The following SLC24A3 variants were observed in gnomAD, a reference collection of about 807,000 sequenced individuals.
SLC24A3 encodes solute carrier family 24 member 3, also known as sodium/potassium/calcium exchanger 3.
In SLC24A3, 28 loss-of-function variants were observed where a neutral mutation model predicts 75.8. The ratio of observed to expected loss-of-function variants is 0.37; its 90% CI spans 0.27 to 0.51. The LOEUF (loss-of-function observed/expected upper bound fraction) is 0.51. Among genes scored for constraint, SLC24A3 ranks in the 20% least tolerant of loss-of-function variants. The pLI is 0.94. For missense variants in SLC24A3, 663 were observed against 847.8 expected (o/e 0.78, Z 2.71); for synonymous variants, 372 against 334.1 (o/e 1.11, Z -1.24).
chr20:19,514,273 G>T (rs1027727696), intron 2 of SLC24A3, among the ~76,000 whole-genome samples: 1 of 152,178 alleles, frequency 6.6e-6, no homozygotes, highest in Admixed American at 6.5e-5. Context: ...CTTCCTGGCT[G>T]CACTGCCTCC....
At chr20:19,650,058 G>A (rs2032183856) in intron 6 of SLC24A3, among the ~76,000 whole-genome samples, 1 of 152,152 alleles carries the variant, frequency 6.6e-6, no homozygotes. Context: ...CTCACTGTAA[G>A]TACCATAGAA....
chr20:19,366,463 G>T (rs1402356577), intron 2 of SLC24A3, among the ~76,000 whole-genome samples: 1 of 152,126 alleles, frequency 6.6e-6, no homozygotes, highest in Non-Finnish European at 1.5e-5. Context: ...CATGTAATGG[G>T]CTTTTGAGCA....
chr20:19,270,408 G>C (rs1442794944), intron 1 of SLC24A3, among the ~76,000 whole-genome samples: 1 of 152,132 alleles, frequency 6.6e-6, no homozygotes, highest in Non-Finnish European at 1.5e-5. Context: ...TGCTATAACA[G>C]AATACCACAG....
intron 6 of SLC24A3, among the ~76,000 whole-genome samples, chr20:19,606,179 G>A (rs749785815): frequency 1.2e-4 from 19 of 152,202 alleles, no homozygotes; most frequent in Non-Finnish European, 1.9e-4. Flanking sequence ...CAGGGGTGCA[G>A]GTGAGGCAGA....
At chr20:19,627,465 A>T (rs1301104881) in intron 6 of SLC24A3, among the ~76,000 whole-genome samples, 1 of 152,192 alleles carries the variant, frequency 6.6e-6, no homozygotes, top group Non-Finnish European at 1.5e-5. Flanking sequence ...ACCATTCTAC[A>T]TGGAAGTCTA....
At chr20:19,371,492 A>C (rs1476860086) in intron 2 of SLC24A3, among the ~76,000 whole-genome samples, 2 of 152,150 alleles carry the variant, frequency 1.3e-5, no homozygotes, top group East Asian at 3.9e-4. Context: ...CTAGGATCAC[A>C]CTGCCTGGGA....
chr20:19,334,177 C>T (rs1218523014), intron 2 of SLC24A3, among the ~76,000 whole-genome samples: 1 of 152,106 alleles, frequency 6.6e-6, no homozygotes, highest in Non-Finnish European at 1.5e-5. Flanking sequence ...ATCCTAATGA[C>T]TTGTTATTGG....
intron 2 of SLC24A3, among the ~76,000 whole-genome samples, chr20:19,389,512 G>GT (rs796450778): frequency 0.014 from 2,108 of 147,414 alleles, 51 homozygotes; most frequent in African/African-American, 0.05. Flanking sequence ...GCAGGGTTTT[G>GT]TTTTTTTTTT....
intron 7 of SLC24A3, among the ~76,000 whole-genome samples, chr20:19,665,613 A>G (rs765118158): frequency 2.0e-5 from 3 of 152,186 alleles, no homozygotes; most frequent in Admixed American, 6.5e-5. Context: ...GAATTACCTG[A>G]GGCTGTTCTT....
At chr20:19,350,263 G>A (rs1985537091) in intron 2 of SLC24A3, among the ~76,000 whole-genome samples, 2 of 152,120 alleles carry the variant, frequency 1.3e-5, no homozygotes, top group South Asian at 4.2e-4. Context: ...AATAGAATTT[G>A]GTAGATGAGA....
At position 19,470,232 on chromosome 20, in the gene SLC24A3, A is replaced by G. The variant is rs114499960; in HGVS notation, c.272-45256A>G. Among the ~76,000 whole-genome samples the G allele has an allele frequency of 4.3e-3, 660 of 152,252 alleles. 3 individuals are homozygous for G. Among genetic ancestry groups the G allele is most frequent in the African/African-American group, 0.015 (629 of 41,554 alleles). ...TTTCCATCTGCTGTACAACCACTCAATGTGTCTGTTTCCCAAAAGTGAAGC... is the reference window on the plus strand; with the variant it reads ...TTTCCATCTGCTGTACAACCACTCAGTGTGTCTGTTTCCCAAAAGTGAAGC... On this transcript the variant is annotated intron_variant, in intron 2 of 16. Transcript: ENST00000328041.
Position 19,654,147 on chromosome 20 carries a change from C to A in SLC24A3, c.687+11C>A. The A allele has an allele frequency of 6.2e-7, 1 of 1,612,526 alleles. No homozygotes were observed. Among genetic ancestry groups the A allele is most frequent in the Non-Finnish European group, 8.5e-7 (1 of 1,178,694 alleles). ...ATCGCGCTCATCGTGGTGAGTCACT[C>A]TGGCCATTTCAGCTCCCATCAGTGC... On this transcript the variant is annotated intron_variant, in intron 7 of 16. Coordinates refer to ENST00000328041, the MANE Select transcript of SLC24A3 (RefSeq NM_020689.4).
At chr20:19,216,110 G>T (rs1981545241) in intron 1 of SLC24A3, among the ~76,000 whole-genome samples, 1 of 152,188 alleles carries the variant, frequency 6.6e-6, no homozygotes, top group African/African-American at 2.4e-5. Flanking sequence ...AGCTCTAGTT[G>T]CCCTATTTAG....
At chr20:19,449,765 A>T (rs1227472004) in intron 2 of SLC24A3, among the ~76,000 whole-genome samples, 2 of 152,202 alleles carry the variant, frequency 1.3e-5, no homozygotes, top group Non-Finnish European at 2.9e-5. Context: ...AAGTTCTCTG[A>T]TAGGAACCTC....
At chr20:19,432,968 T>C (rs1329078680) in intron 2 of SLC24A3, among the ~76,000 whole-genome samples, 2 of 152,212 alleles carry the variant, frequency 1.3e-5, no homozygotes, top group Admixed American at 1.3e-4. Context: ...CAAGGTCTGA[T>C]TGCAAAAGTT....
intron 2 of SLC24A3, among the ~76,000 whole-genome samples, chr20:19,500,461 A>G (rs1988367886): frequency 6.6e-6 from 1 of 152,196 alleles, no homozygotes; most frequent in Admixed American, 6.5e-5. Flanking sequence ...CAGTCTGATC[A>G]TATTTATGTG....
At chr20:19,225,199 T>C (rs1350542408) in intron 1 of SLC24A3, among the ~76,000 whole-genome samples, 4 of 152,206 alleles carry the variant, frequency 2.6e-5, no homozygotes, top group African/African-American at 9.6e-5. Context: ...TTTCAACTTT[T>C]TTCATCCTTC....
intron 2 of SLC24A3, among the ~76,000 whole-genome samples, chr20:19,474,620 G>A (rs1282470237): frequency 1.3e-5 from 2 of 152,082 alleles, no homozygotes; most frequent in Non-Finnish European, 2.9e-5. Context: ...TTTCTGTATT[G>A]TATGTATTTA....
chr20:19,523,886 A>G (rs6136763), intron 3 of SLC24A3, among the ~76,000 whole-genome samples: 24,986 of 151,918 alleles, frequency 0.16, 2,472 homozygotes, highest in East Asian at 0.3. Context: ...CCCAACTTTA[A>G]AGTTCCAGCC....
Sources: allele counts gnomAD v4.1 joint callset (sites outside exome capture counted in the v4.1 genomes callset), GRCh38; gene constraint gnomAD v4.1.1; transcripts MANE v1.5; gene names NCBI Gene and HGNC (gene_info 2026-07-23, HGNC 2026-07-21).